CFAP90: variants seen among roughly 807,000 people sequenced by gnomAD.
The protein encoded by CFAP90 is cilia- and flagella-associated protein 90.
chr5:7,850,638 C>T, the CFAP90 span, among the ~76,000 whole-genome samples: 1 of 145,752 alleles, frequency 6.9e-6, no homozygotes, highest in Non-Finnish European at 1.5e-5. Flanking sequence ...CCCCTAGGCC[C>T]CCGCCCCTAA....
chr5:7,845,033 T>C, the CFAP90 span, among the ~76,000 whole-genome samples: 2 of 152,276 alleles, frequency 1.3e-5, no homozygotes, highest in Admixed American at 1.3e-4. Context: ...TCCACATGGC[T>C]GGGGAGGCCT....
At chr5:7,847,472 C>T in the CFAP90 span, among the ~76,000 whole-genome samples, 1 of 67,016 alleles carries the variant, frequency 1.5e-5, no homozygotes, top group African/African-American at 4.9e-5. Context: ...CTGTAAAGGG[C>T]CAGGTAGTAA....
the CFAP90 span, among the ~76,000 whole-genome samples, chr5:7,833,500 TAC>T: frequency 6.6e-6 from 1 of 151,756 alleles, no homozygotes; most frequent in Non-Finnish European, 1.5e-5. Context: ...AATAGATACA[TAC>T]ACACATGCAT....
the CFAP90 span, among the ~76,000 whole-genome samples, chr5:7,849,849 C>T: frequency 6.6e-6 from 1 of 152,098 alleles, no homozygotes; most frequent in Non-Finnish European, 1.5e-5. Flanking sequence ...CTGGACCATC[C>T]GGGCGTAGTC....
At chr5:7,836,359 C>T in the CFAP90 span, among the ~76,000 whole-genome samples, 46 of 152,276 alleles carry the variant, frequency 3.0e-4, no homozygotes, top group African/African-American at 1.1e-3. Context: ...TCCTTTAAGT[C>T]GCTAGTGCAG....
chr5:7,831,822 G>C, the CFAP90 span: 2 of 1,594,778 alleles, frequency 1.3e-6, no homozygotes, highest in African/African-American at 2.7e-5. Flanking sequence ...CAGGGTATCG[G>C]ACATGCCCTG....
At chr5:7,845,265 G>A in the CFAP90 span, among the ~76,000 whole-genome samples, 4 of 152,284 alleles carry the variant, frequency 2.6e-5, no homozygotes, top group Non-Finnish European at 4.4e-5. Flanking sequence ...GGTTACAATT[G>A]GAGATGAGAT....
chr5:7,831,041 T>C, the CFAP90 span: 3 of 152,200 alleles, frequency 2.0e-5, no homozygotes, highest in Non-Finnish European at 4.4e-5. Flanking sequence ...CTCCTCTAGG[T>C]TTGGAAATTC....
chr5:7,835,383 T>G, the CFAP90 span: 1 of 1,535,716 alleles, frequency 6.5e-7, no homozygotes. Context: ...TAATATTACC[T>G]CTTCGTTAAC....
chr5:7,832,188 G>A, the CFAP90 span, among the ~76,000 whole-genome samples: 1 of 152,214 alleles, frequency 6.6e-6, no homozygotes, highest in Non-Finnish European at 1.5e-5. Flanking sequence ...GGCTTCACAG[G>A]GAAGTAGCCT....
the CFAP90 span, among the ~76,000 whole-genome samples, chr5:7,833,489 TAATA>T: frequency 1.4e-5 from 2 of 144,432 alleles, no homozygotes; most frequent in Admixed American, 6.8e-5. Context: ...CACACATATA[TAATA>T]GATACATACA....
chr5:7,836,186 A>G, the CFAP90 span, among the ~76,000 whole-genome samples: 1 of 152,300 alleles, frequency 6.6e-6, no homozygotes, highest in Admixed American at 6.5e-5. Flanking sequence ...GGAGACACAA[A>G]CATTCAGACC....
At chr5:7,845,347 G>A in the CFAP90 span, among the ~76,000 whole-genome samples, 5 of 152,290 alleles carry the variant, frequency 3.3e-5, no homozygotes, top group South Asian at 8.3e-4. Flanking sequence ...TTGGCAAAGG[G>A]AAATTCAGTG....
At chr5:7,849,494 G>T in the CFAP90 span, among the ~76,000 whole-genome samples, 1 of 152,210 alleles carries the variant, frequency 6.6e-6, no homozygotes, top group African/African-American at 2.4e-5. Flanking sequence ...TACGCCTGCA[G>T]GCTGAGGGTC....
the CFAP90 span, among the ~76,000 whole-genome samples, chr5:7,837,758 T>G: frequency 3.3e-5 from 5 of 152,214 alleles, no homozygotes; most frequent in Non-Finnish European, 5.9e-5. Flanking sequence ...AACAACATGG[T>G]CTTTAAGAAT....
the CFAP90 span, among the ~76,000 whole-genome samples, chr5:7,839,559 A>G: frequency 6.6e-6 from 1 of 152,240 alleles, no homozygotes; most frequent in Admixed American, 6.5e-5. Context: ...TTTGTTCCCT[A>G]TATTGAAGAA....
the CFAP90 span, among the ~76,000 whole-genome samples, chr5:7,848,668 A>G: frequency 6.6e-6 from 1 of 152,168 alleles, no homozygotes; most frequent in Non-Finnish European, 1.5e-5. Flanking sequence ...CTTGAATTGT[A>G]GTTCCCATAA....
At chr5:7,846,805 G>C in the CFAP90 span, among the ~76,000 whole-genome samples, 1 of 152,140 alleles carries the variant, frequency 6.6e-6, no homozygotes, top group Non-Finnish European at 1.5e-5. Flanking sequence ...AGAGTGCAGT[G>C]GTGCAATCTC....
the CFAP90 span, chr5:7,831,664 T>A: frequency 1.8e-6 from 1 of 558,766 alleles, no homozygotes; most frequent in Non-Finnish European, 3.2e-6. Context: ...GTCAGGCTCC[T>A]AACCCAGCAA....
Sources: gnomAD v4.1 joint callset for allele counts (sites outside exome capture counted in the v4.1 genomes callset) on GRCh38, gnomAD v4.1.1 for gene constraint, MANE v1.5 for transcripts, NCBI Gene and HGNC (gene_info 2026-07-23, HGNC 2026-07-21) for gene names.